Variants in KLF8 observed in about 807,000 individuals in gnomAD.
KLF8 encodes KLF transcription factor 8.
In KLF8, 10 loss-of-function variants were observed where a neutral mutation model predicts 18.2. The ratio of observed to expected loss-of-function variants is 0.55; its 90% CI spans 0.34 to 0.93. The LOEUF (loss-of-function observed/expected upper bound fraction) is 0.93, where lower values mean the gene tolerates loss of function less well. Among genes scored for constraint, KLF8 ranks in the 40% least tolerant of loss-of-function variants. The pLI, the probability that KLF8 is intolerant of heterozygous loss-of-function variation, is 0.02. For missense variants in KLF8, 264 were observed against 277.9 expected (o/e 0.95, Z 0.36); for synonymous variants, 109 against 97.3 (o/e 1.12, Z -0.71).
the KLF8 span, among the ~76,000 whole-genome samples, chrX:56,000,492 A>ATTTT: frequency 1.1e-4 from 2 of 17,929 alleles, no homozygotes; most frequent in Non-Finnish European, 3.4e-4. Flanking sequence ...GGGGGGAGGG[A>ATTTT]TTTTTTTTTA....
At chrX:56,086,998 A>T in the KLF8 span, among the ~76,000 whole-genome samples, 1 of 111,582 alleles carries the variant, frequency 9.0e-6, no homozygotes, top group Admixed American at 9.5e-5. Context: ...TGGGAGATGA[A>T]GTCATTAAGG....
the KLF8 span, among the ~76,000 whole-genome samples, chrX:56,095,715 A>T: frequency 8.9e-6 from 1 of 111,881 alleles, no homozygotes; most frequent in Admixed American, 9.5e-5. Context: ...CAACATCACT[A>T]ATCATCAGAG....
the KLF8 span, among the ~76,000 whole-genome samples, chrX:55,935,400 A>G: frequency 8.9e-6 from 1 of 111,982 alleles, no homozygotes; most frequent in Non-Finnish European, 1.9e-5. Context: ...GAACTACAGA[A>G]TCAGAATCTG....
At chrX:55,927,297 T>C in the KLF8 span, among the ~76,000 whole-genome samples, 8 of 112,094 alleles carry the variant, frequency 7.1e-5, no homozygotes, top group Non-Finnish European at 1.5e-4. Context: ...GTTGTGACAA[T>C]GAAAAATCCA....
the KLF8 span, among the ~76,000 whole-genome samples, chrX:56,105,161 G>A: frequency 4.5e-5 from 5 of 111,730 alleles, no homozygotes; most frequent in African/African-American, 9.8e-5. Context: ...GGAATAATGT[G>A]ATGTGGTGCT....
At chrX:56,095,510 AACAG>A in the KLF8 span, among the ~76,000 whole-genome samples, 1 of 112,560 alleles carries the variant, frequency 8.9e-6, no homozygotes, top group South Asian at 3.5e-4. Flanking sequence ...AGCTAGAGTA[AACAG>A]ACAACCTACA....
At chrX:56,063,106 G>A in the KLF8 span, among the ~76,000 whole-genome samples, 1 of 111,004 alleles carries the variant, frequency 9.0e-6, no homozygotes, top group Admixed American at 9.6e-5. Context: ...CATTGAGTTA[G>A]AACATGCTCC....
At chrX:55,991,396 T>C in the KLF8 span, among the ~76,000 whole-genome samples, 3 of 111,955 alleles carry the variant, frequency 2.7e-5, no homozygotes, top group Non-Finnish European at 5.6e-5. Flanking sequence ...CCAGTTGCCA[T>C]CTGTCACCGC....
intron 1 of KLF8, among the ~76,000 whole-genome samples, chrX:56,244,276 C>T (rs781225491): frequency 2.7e-5 from 3 of 111,898 alleles, no homozygotes; most frequent in Admixed American, 9.5e-5. Context: ...GTGGCACAAT[C>T]ATAGCTCACT....
chrX:56,201,560 G>C, the KLF8 span, among the ~76,000 whole-genome samples: 2 of 111,360 alleles, frequency 1.8e-5, no homozygotes, highest in Non-Finnish European at 3.8e-5. Context: ...TATCAGTACT[G>C]TATTGTAGTT....
the KLF8 span, among the ~76,000 whole-genome samples, chrX:56,005,935 G>A: frequency 8.9e-6 from 1 of 112,409 alleles, no homozygotes; most frequent in African/African-American, 3.2e-5. Flanking sequence ...GAAGCACCCT[G>A]ATTGGGCATC....
chrX:55,945,393 G>C, the KLF8 span, among the ~76,000 whole-genome samples: 8 of 111,005 alleles, frequency 7.2e-5, no homozygotes, highest in African/African-American at 2.6e-4. Flanking sequence ...CCTTGTTAAC[G>C]TTCTGTCTCA....
At chrX:56,139,338 C>A in the KLF8 span, among the ~76,000 whole-genome samples, 20 of 111,465 alleles carry the variant, frequency 1.8e-4, no homozygotes, top group African/African-American at 6.5e-4. Flanking sequence ...AGAGCTCGAA[C>A]GGCCAAAACA....
chrX:55,971,412 C>G, the KLF8 span, among the ~76,000 whole-genome samples: 59 of 111,036 alleles, frequency 5.3e-4, no homozygotes, highest in African/African-American at 1.9e-3. Flanking sequence ...AAAATCAAAT[C>G]AAAATTGATT....
chrX:56,157,358 C>T, the KLF8 span, among the ~76,000 whole-genome samples: 1 of 109,512 alleles, frequency 9.1e-6, no homozygotes. Context: ...ACTTTGTGTA[C>T]ATGTACCCTA....
the KLF8 span, among the ~76,000 whole-genome samples, chrX:56,143,385 G>A: frequency 0.13 from 14,049 of 111,329 alleles, 1,584 homozygotes; most frequent in African/African-American, 0.37. Flanking sequence ...ATTTAACATT[G>A]TCTGACCTTA....
the KLF8 span, among the ~76,000 whole-genome samples, chrX:56,036,294 G>T: frequency 2.7e-5 from 3 of 111,222 alleles, no homozygotes; most frequent in Non-Finnish European, 5.7e-5. Flanking sequence ...TTTTCTACTA[G>T]TAGTTTTATA....
At chrX:56,219,132 A>T in the KLF8 span, among the ~76,000 whole-genome samples, 2 of 112,166 alleles carry the variant, frequency 1.8e-5, no homozygotes, top group Non-Finnish European at 3.8e-5. Flanking sequence ...GTCCAATCAT[A>T]GGCTCCACGT....
the KLF8 span, among the ~76,000 whole-genome samples, chrX:56,200,467 A>G: frequency 9.0e-6 from 1 of 110,955 alleles, no homozygotes; most frequent in African/African-American, 3.3e-5. Context: ...AGCTTAGATG[A>G]CATACAAAAA....
Sources: gnomAD v4.1 joint callset for allele counts (sites outside exome capture counted in the v4.1 genomes callset) on GRCh38, gnomAD v4.1.1 for gene constraint, MANE v1.5 for transcripts, NCBI Gene and HGNC (gene_info 2026-07-23, HGNC 2026-07-21) for gene names.